GABRB1: variants seen among roughly 807,000 people sequenced by gnomAD.
GABRB1 encodes the protein gamma-aminobutyric acid receptor subunit beta-1.
In GABRB1, 17 loss-of-function variants were observed where a neutral mutation model predicts 51.6. The observed-to-expected ratio is 0.33, with a 90% CI of 0.23 to 0.49. The LOEUF is 0.49. Among genes scored for constraint, GABRB1 ranks in the 20% least tolerant of loss-of-function variants. GABRB1 has a pLI of 0.99. For missense variants in GABRB1, 410 were observed against 600.6 expected, an observed-to-expected ratio of 0.68 and a Z score of 3.32; for synonymous variants, 247 against 218.9, an observed-to-expected ratio of 1.13 and a Z score of -1.14.
intron 3 of GABRB1, among the ~76,000 whole-genome samples, chr4:47,104,573 T>C (rs1714872198): frequency 6.6e-6 from 1 of 151,846 alleles, no homozygotes; most frequent in African/African-American, 2.4e-5. Context: ...CATTAGATCA[T>C]TTTATGTAGT....
chr4:47,327,963 C>T (rs1321096426), intron 5 of GABRB1, among the ~76,000 whole-genome samples: 2 of 152,218 alleles, frequency 1.3e-5, no homozygotes, highest in Admixed American at 1.3e-4. Context: ...CACTTCCTCT[C>T]CAGCACCTGT....
chr4:47,333,194 TTATATATATATA>T (rs1162712786), intron 5 of GABRB1, among the ~76,000 whole-genome samples: 45 of 113,204 alleles, frequency 4.0e-4, no homozygotes, highest in African/African-American at 1.2e-3. Context: ...CCCATTTTAT[TTATATATATATA>T]TATATATATA....
chr4:47,350,462 T>G (rs1010808222), intron 5 of GABRB1, among the ~76,000 whole-genome samples: 1 of 151,874 alleles, frequency 6.6e-6, no homozygotes, highest in Non-Finnish European at 1.5e-5. Flanking sequence ...TTGCCACTTA[T>G]GCGGGTCATT....
intron 8 of GABRB1, among the ~76,000 whole-genome samples, chr4:47,423,657 TG>T (rs1729164608): frequency 6.6e-6 from 1 of 152,158 alleles, no homozygotes; most frequent in African/African-American, 2.4e-5. Context: ...GGATTTAAAT[TG>T]AGCCTTGGCC....
chr4:47,153,674 G>C (rs113917178), intron 3 of GABRB1, among the ~76,000 whole-genome samples: 1 of 151,970 alleles, frequency 6.6e-6, no homozygotes, highest in Non-Finnish European at 1.5e-5. Context: ...ATTAAAATGT[G>C]TTCCATGTGA....
chr4:47,359,595 A>T (rs1726723599), intron 5 of GABRB1, among the ~76,000 whole-genome samples: 2 of 152,164 alleles, frequency 1.3e-5, no homozygotes, highest in Non-Finnish European at 1.5e-5. Flanking sequence ...ATTATTACAC[A>T]AATTCATAAA....
At chr4:47,359,248 TC>T (rs1439597117) in intron 5 of GABRB1, among the ~76,000 whole-genome samples, 1 of 152,174 alleles carries the variant, frequency 6.6e-6, no homozygotes, top group South Asian at 2.1e-4. Context: ...TATTATGAGA[TC>T]TGAAGTATAC....
chr4:47,299,433 A>T (rs565730096), intron 4 of GABRB1, among the ~76,000 whole-genome samples: 1 of 152,226 alleles, frequency 6.6e-6, no homozygotes, highest in Non-Finnish European at 1.5e-5. Context: ...GGCGAAGGAC[A>T]TGAACAGACA....
chr4:47,123,482 C>T (rs1231426913), intron 3 of GABRB1, among the ~76,000 whole-genome samples: 29 of 87,088 alleles, frequency 3.3e-4, no homozygotes, highest in South Asian at 6.7e-4. Flanking sequence ...TAATATATTA[C>T]ATTATTTCAT....
chr4:47,028,121 C>T (rs566777284), upstream of GABRB1, among the ~76,000 whole-genome samples: 1 of 151,608 alleles, frequency 6.6e-6, no homozygotes, highest in Non-Finnish European at 1.5e-5. Flanking sequence ...TACTACTGAG[C>T]TTGAAACTTT....
chr4:47,370,583 G>A (rs1188249729), intron 5 of GABRB1, among the ~76,000 whole-genome samples: 3 of 152,122 alleles, frequency 2.0e-5, no homozygotes, highest in African/African-American at 7.2e-5. Flanking sequence ...CTGAAGTTAG[G>A]GTTTATGATG....
rs778588040 is a variant in GABRB1 at position 47,403,704 on chromosome 4, C to T, written c.828C>T (p.Val276=). Residue 276 remains valine (V), a synonymous_variant, in exon 7 of 9, where the codon GTC becomes GTT. Coordinates refer to ENST00000295454, the MANE Select transcript of GABRB1 (RefSeq NM_000812.4). ...WINYDASAAR[V]ALGITTVLTM... ...ACTATGATGCATCTGCAGCCAGAGT[C>T]GCACTAGGTAATACATTCTCAGCAC... is the stretch of plus-strand genomic sequence containing the variant. 27 of 1,612,288 alleles carry T rather than the reference C, an allele frequency of 1.7e-5. No homozygotes were observed. The highest frequency in any genetic ancestry group is 5.5e-5 in the South Asian group (5 of 91,054).
chr4:47,425,968 A>G lies in GABRB1; in HGVS notation c.1375A>G (p.Ile459Val), dbSNP rs1215863057. The G allele has an allele frequency of 5.0e-6, 8 of 1,611,126 alleles. No homozygotes were observed. In the East Asian group the frequency reaches 1.6e-4, roughly 31 times the overall value. Residue 459 changes from isoleucine to valine, a missense_variant, in exon 9 of 9, where the codon ATC becomes GTC. Transcript: ENST00000295454. The stretch of plus-strand genomic sequence containing the variant: ...CAAGTGGTCCCGAATGTTTTTCCCC[A>G]TCACCTTTTCTCTTTTTAATGTCGT... ...IDKWSRMFFP[I>V]TFSLFNVVYW...
At chr4:47,402,696 A>G (rs78495008) in intron 5 of GABRB1, among the ~76,000 whole-genome samples, 3 of 152,214 alleles carry the variant, frequency 2.0e-5, no homozygotes, top group Non-Finnish European at 2.9e-5. Context: ...CACTCTCATA[A>G]GTATAAAGAT....
chr4:47,070,627 C>T (rs1490261379), intron 3 of GABRB1, among the ~76,000 whole-genome samples: 1 of 152,092 alleles, frequency 6.6e-6, no homozygotes, highest in Admixed American at 6.5e-5. Flanking sequence ...CCACCGCGCC[C>T]GGCCTGCACT....
chr4:47,012,499 C>T (rs1205576692), intron 1 of GABRB1, among the ~76,000 whole-genome samples: 1 of 152,072 alleles, frequency 6.6e-6, no homozygotes, highest in Non-Finnish European at 1.5e-5. Flanking sequence ...GTCTCCAGCT[C>T]CATCCATTTC....
At chr4:47,371,945 A>G (rs545522471) in intron 5 of GABRB1, among the ~76,000 whole-genome samples, 5 of 152,294 alleles carry the variant, frequency 3.3e-5, no homozygotes, top group African/African-American at 1.2e-4. Flanking sequence ...TAGTTTAATT[A>G]GATCCATTTG....
At chr4:47,380,543 A>C (rs1328217788) in intron 5 of GABRB1, among the ~76,000 whole-genome samples, 1 of 152,288 alleles carries the variant, frequency 6.6e-6, no homozygotes, top group African/African-American at 2.4e-5. Context: ...TTCTAGTACA[A>C]TTTTATTAAA....
intron 3 of GABRB1, among the ~76,000 whole-genome samples, chr4:47,068,691 A>G (rs1727188717): frequency 6.6e-6 from 1 of 152,208 alleles, no homozygotes; most frequent in South Asian, 2.1e-4. Context: ...CCCTCAAACA[A>G]TTACAATAGT....
Sources: gnomAD v4.1 joint callset for allele counts (sites outside exome capture counted in the v4.1 genomes callset) on GRCh38, gnomAD v4.1.1 for gene constraint, MANE v1.5 for transcripts, NCBI Gene and HGNC (gene_info 2026-07-23, HGNC 2026-07-21) for gene names.